Variants in CARMIL1 observed in about 807,000 individuals in gnomAD.
CARMIL1 encodes the protein capping protein regulator and myosin 1 linker 1.
In CARMIL1, 90 loss-of-function variants were observed where a neutral mutation model predicts 177.1. The ratio of observed to expected loss-of-function variants is 0.51; its 90% CI spans 0.43 to 0.61. CARMIL1 has a LOEUF of 0.61. Ranked by LOEUF, CARMIL1 falls within the 20% of genes least tolerant of loss-of-function variation. The probability of loss-of-function intolerance (pLI) is 0.00; values close to 1 mark genes in which losing one functional copy is unlikely to be tolerated. For missense variants in CARMIL1, 1,380 were observed against 1,667.0 expected (o/e 0.83, Z 3.00); for synonymous variants, 577 against 606.2 (o/e 0.95, Z 0.71).
At chr6:25,293,302 G>GTGTGTTT (rs367596061) in intron 2 of CARMIL1, among the ~76,000 whole-genome samples, 68 of 144,614 alleles carry the variant, frequency 4.7e-4, no homozygotes, top group East Asian at 2.0e-3. Flanking sequence ...GTGTGTGTGT[G>GTGTGTTT]TGTTTTGTAG....
chr6:25,284,053 A>G (rs982147021), intron 1 of CARMIL1, among the ~76,000 whole-genome samples: 15 of 152,058 alleles, frequency 9.9e-5, no homozygotes, highest in African/African-American at 3.1e-4. Context: ...GTATTCCCCA[A>G]ACATCATGTC....
chr6:25,300,960 A>G (rs1353910354), intron 2 of CARMIL1, among the ~76,000 whole-genome samples: 1 of 152,208 alleles, frequency 6.6e-6, no homozygotes, highest in East Asian at 1.9e-4. Flanking sequence ...CTTTTACCAG[A>G]CAGATCATGC....
intron 23 of CARMIL1, among the ~76,000 whole-genome samples, chr6:25,526,753 A>G (rs1807184360): frequency 6.6e-6 from 1 of 151,894 alleles, no homozygotes; most frequent in Non-Finnish European, 1.5e-5. Flanking sequence ...AGGTCTTGCT[A>G]TGTTGCCCAT....
rs367674780 is a variant in CARMIL1 at position 25,518,024 on chromosome 6, C to G, written c.1874+609C>G. ...GTGGTTCTTTCTGGGCTTTTCGATC[C>G]TCATATTGTATTATAAAGGCAGAAG... On this transcript the variant is annotated intron_variant, in intron 22 of 36. Coordinates refer to ENST00000329474, the MANE Select transcript of CARMIL1 (RefSeq NM_017640.6). 1.4e-4 allele frequency among the ~76,000 whole-genome samples: 22 copies of G among 152,134 alleles called. No individual in the cohort carries two copies. The South Asian group carries it at 4.2e-3, about 29-fold the overall frequency.
intron 17 of CARMIL1, among the ~76,000 whole-genome samples, chr6:25,500,581 A>T (rs1804210018): frequency 6.6e-6 from 1 of 152,184 alleles, no homozygotes; most frequent in Admixed American, 6.5e-5. Context: ...CAAGGGACAA[A>T]TGTGTATAAC....
chr6:25,472,816 T>C (rs548818711), intron 11 of CARMIL1, among the ~76,000 whole-genome samples: 7 of 152,344 alleles, frequency 4.6e-5, no homozygotes, highest in African/African-American at 1.7e-4. Flanking sequence ...CAGCTTAAAA[T>C]GATACAAATT....
At position 25,515,754 on chromosome 6, in the gene CARMIL1, C is replaced by G; in HGVS notation, c.1712C>G (p.Thr571Ser). The G allele has an allele frequency of 6.2e-7, 1 of 1,611,700 alleles. No individual in the cohort carries two copies. Among genetic ancestry groups the G allele is most frequent in the Non-Finnish European group, 8.5e-7 (1 of 1,179,050 alleles). ...ATCATCAATGCCCTGGGAAGCAACA[C>G]CTCCCTGACCAAAGTGGACATTAGC... ...TIIINALGSN[T>S]SLTKVDISGN... Residue 571 changes from threonine to serine, a missense_variant, in exon 21 of 37, where the codon ACC becomes AGC. Coordinates refer to ENST00000329474, the MANE Select transcript of CARMIL1 (RefSeq NM_017640.6). This position sits in a 1 kb window ranked among gnomAD's most constrained non-coding sequence, Gnocchi z 5.0.
intron 26 of CARMIL1, among the ~76,000 whole-genome samples, chr6:25,544,106 T>C (rs1180608233): frequency 6.6e-6 from 1 of 151,910 alleles, no homozygotes; most frequent in Non-Finnish European, 1.5e-5. Context: ...ATAAGAAAAG[T>C]TAGGAAATAT....
At chr6:25,521,923 C>T (rs1261181465) in intron 23 of CARMIL1, among the ~76,000 whole-genome samples, 1 of 152,140 alleles carries the variant, frequency 6.6e-6, no homozygotes, top group Non-Finnish European at 1.5e-5. Flanking sequence ...TGCCAGCTGG[C>T]CCTGAACCCT....
At chr6:25,531,497 G>T (rs1165112076) in intron 24 of CARMIL1, among the ~76,000 whole-genome samples, 1 of 152,126 alleles carries the variant, frequency 6.6e-6, no homozygotes, top group Non-Finnish European at 1.5e-5. Context: ...TCTCTTCTCA[G>T]TATGGTTTGA....
chr6:25,571,293 G>A (rs1012215204), intron 29 of CARMIL1, among the ~76,000 whole-genome samples: 3 of 152,042 alleles, frequency 2.0e-5, no homozygotes, highest in Admixed American at 6.6e-5. Context: ...AAAGCATAAT[G>A]ACTAGTAATT....
intron 12 of CARMIL1, among the ~76,000 whole-genome samples, chr6:25,485,591 C>T (rs1200996854): frequency 1.3e-5 from 2 of 151,872 alleles, no homozygotes; most frequent in Non-Finnish European, 2.9e-5. Context: ...TGTGCCACCA[C>T]GCCCAGCTAA....
At chr6:25,576,838 A>G in intron 29 of CARMIL1, 1 of 246,380 alleles carries the variant, frequency 4.1e-6, no homozygotes, top group Non-Finnish European at 6.5e-6. Flanking sequence ...TTCCTTTGCT[A>G]TGAAGGCTTT....
intron 2 of CARMIL1, among the ~76,000 whole-genome samples, chr6:25,324,056 A>T (rs1784883964): frequency 6.6e-6 from 1 of 152,262 alleles, no homozygotes; most frequent in Non-Finnish European, 1.5e-5. Flanking sequence ...TAGATCCTCC[A>T]TCTGGGAGCC....
At chr6:25,459,210 T>TTTCTTTCTTTCTTTC (rs1799794292) in intron 8 of CARMIL1, among the ~76,000 whole-genome samples, 3 of 80,178 alleles carry the variant, frequency 3.7e-5, no homozygotes, top group East Asian at 8.8e-4. Flanking sequence ...GATCCCAACT[T>TTTCTTTCTTTCTTTC]TTTCTTTCTT....
At chr6:25,612,827 C>G (rs1185173408) in intron 36 of CARMIL1, 29 of 985,136 alleles carry the variant, frequency 2.9e-5, no homozygotes, top group Non-Finnish European at 3.5e-5. Context: ...AAACTGTACT[C>G]CACCATTGCA....
intron 5 of CARMIL1, among the ~76,000 whole-genome samples, chr6:25,437,806 A>G (rs981607967): frequency 6.6e-6 from 1 of 152,240 alleles, no homozygotes; most frequent in Non-Finnish European, 1.5e-5. Flanking sequence ...CTAAGCTTTT[A>G]AAAATATTAT....
chr6:25,329,157 G>T (rs1484098329), intron 2 of CARMIL1, among the ~76,000 whole-genome samples: 1 of 152,050 alleles, frequency 6.6e-6, no homozygotes, highest in Non-Finnish European at 1.5e-5. Flanking sequence ...AATTGATGTT[G>T]GTTCCCAATA....
chr6:25,385,749 C>A (rs1221913235), intron 2 of CARMIL1, among the ~76,000 whole-genome samples: 1 of 152,134 alleles, frequency 6.6e-6, no homozygotes, highest in Non-Finnish European at 1.5e-5. Context: ...TGGCCTCTTT[C>A]ATGGTGCAAA....
Sources: allele counts gnomAD v4.1 joint callset (sites outside exome capture counted in the v4.1 genomes callset), GRCh38; gene constraint gnomAD v4.1.1; non-coding constraint Gnocchi (gnomAD v3.1); transcripts MANE v1.5; gene names NCBI Gene and HGNC (gene_info 2026-07-23, HGNC 2026-07-21).